The following PPP4R3B variants were observed in gnomAD, a reference collection of about 807,000 sequenced individuals.
The protein encoded by PPP4R3B is serine/threonine-protein phosphatase 4 regulatory subunit 3B.
Under a neutral mutation model 95.4 loss-of-function variants are expected in PPP4R3B, and 52 were observed. That is an observed-to-expected ratio of 0.54 (90% CI 0.44 to 0.69). The LOEUF is 0.69. Ranked by LOEUF, PPP4R3B falls within the 30% of genes least tolerant of loss-of-function variation. The pLI, the probability that PPP4R3B is intolerant of heterozygous loss-of-function variation, is 0.00. For synonymous variants in PPP4R3B, 407 were observed against 343.9 expected (o/e 1.18, Z -2.03); for missense variants, 1,003 against 1,005.9 (o/e 1.00, Z 0.04).
At chr2:55,581,123 T>G (rs1227778865) in intron 8 of PPP4R3B, among the ~76,000 whole-genome samples, 1 of 152,008 alleles carries the variant, frequency 6.6e-6, no homozygotes, top group African/African-American at 2.4e-5. Flanking sequence ...TGTGGTGGTG[T>G]GCGTCTGTAG....
intron 9 of PPP4R3B, 35 bp from the exon 10 acceptor site, chr2:55,578,377 G>A (rs1315405993): frequency 7.6e-7 from 1 of 1,320,596 alleles, no homozygotes. Flanking sequence ...TTTTGATAAA[G>A]CCAACAGGGA....
chr2:55,601,141 C>CAAA (rs397871165), intron 3 of PPP4R3B, among the ~76,000 whole-genome samples: 23 of 99,122 alleles, frequency 2.3e-4, no homozygotes, highest in African/African-American at 8.1e-4. Context: ...GACCATGTCT[C>CAAA]AAAAAAAAAA....
At chr2:55,569,797 T>G (rs1252154307) in intron 12 of PPP4R3B, among the ~76,000 whole-genome samples, 1 of 152,108 alleles carries the variant, frequency 6.6e-6, no homozygotes, top group Non-Finnish European at 1.5e-5. Flanking sequence ...TGTCTTTTCT[T>G]TTATCTCTTT....
intron 2 of PPP4R3B, among the ~76,000 whole-genome samples, chr2:55,607,803 G>A (rs1384285234): frequency 6.6e-6 from 1 of 152,130 alleles, no homozygotes; most frequent in Admixed American, 6.5e-5. Context: ...CTGGTGACTA[G>A]ATCTATAGAT....
chr2:55,605,636 G>A (rs1002850601), intron 2 of PPP4R3B, among the ~76,000 whole-genome samples: 14 of 152,094 alleles, frequency 9.2e-5, no homozygotes, highest in Non-Finnish European at 1.9e-4. Context: ...GGCCAGGTGC[G>A]AAGGCTCACA....
rs369974694 is a variant in PPP4R3B at position 55,598,640 on chromosome 2, C to A, written c.697G>T (p.Ala233Ser). ...AATTCTCTATGTCTTTTTGGCTGAGCCAAAGCAGGGTCATATTCAAGGCAT... is the reference window on the plus strand; with the variant it reads ...AATTCTCTATGTCTTTTTGGCTGAGACAAAGCAGGGTCATATTCAAGGCAT... ...VGCLEYDPAL[A>S]QPKRHREFLT... Residue 233 changes from alanine (A) to serine (S), a missense_variant, in exon 4 of 17, where the codon GCT becomes TCT. Physicochemically the swap from Ala to Ser is moderately conservative, Grantham distance 99. This residue lies in a region of PPP4R3B where 695 missense variants were observed against 686.2 expected (regional missense o/e 1.01). Transcript: ENST00000616407. 90 of 1,613,932 alleles carry A rather than the reference C, an allele frequency of 5.6e-5. No homozygotes were observed. Among genetic ancestry groups the A allele is most frequent in the Admixed American group, 2.0e-4 (12 of 59,976 alleles).
At chr2:55,615,717 T>A (rs1027471071) in intron 1 of PPP4R3B, among the ~76,000 whole-genome samples, 1 of 151,684 alleles carries the variant, frequency 6.6e-6, no homozygotes, top group South Asian at 2.1e-4. Flanking sequence ...CTGGGCGTGG[T>A]GGCGCATGCC....
At chr2:55,612,824 T>C (rs1489903881) in intron 2 of PPP4R3B, among the ~76,000 whole-genome samples, 4 of 152,058 alleles carry the variant, frequency 2.6e-5, no homozygotes, top group South Asian at 4.1e-4. Flanking sequence ...CGGGCGCCTG[T>C]AGTCCCAACT....
intron 4 of PPP4R3B, among the ~76,000 whole-genome samples, chr2:55,595,170 C>T (rs113453381): frequency 0.14 from 20,515 of 151,752 alleles, 2,815 homozygotes; most frequent in African/African-American, 0.35. Context: ...ATTACAGGCA[C>T]GTGCCACTGT....
At chr2:55,595,227 T>A (rs980862520) in intron 4 of PPP4R3B, among the ~76,000 whole-genome samples, 2 of 151,940 alleles carry the variant, frequency 1.3e-5, no homozygotes, top group African/African-American at 4.8e-5. Flanking sequence ...TTTCGCCATG[T>A]TGGTCAGGCT....
intron 13 of PPP4R3B, among the ~76,000 whole-genome samples, chr2:55,566,794 C>A (rs189507633): frequency 1.3e-5 from 2 of 152,056 alleles, no homozygotes; most frequent in Non-Finnish European, 1.5e-5. Flanking sequence ...ACTGGTTGAG[C>A]CTAGGCGTTT....
chr2:55,614,257 C>T (rs2103916843), intron 2 of PPP4R3B: 1 of 152,256 alleles, frequency 6.6e-6, no homozygotes, highest in East Asian at 1.9e-4. Flanking sequence ...TTGAAGTGGG[C>T]ACTGACGCTG....
At chr2:55,555,316 A>G (rs981811700) in intron 16 of PPP4R3B, among the ~76,000 whole-genome samples, 11 of 150,370 alleles carry the variant, frequency 7.3e-5, no homozygotes, top group Non-Finnish European at 1.5e-4. Context: ...GAAAAAGAGT[A>G]TTCTTTCCCC....
chr2:55,567,988 T>C (rs1687523999), intron 13 of PPP4R3B: 1 of 294,732 alleles, frequency 3.4e-6, no homozygotes, highest in Admixed American at 5.1e-5. Context: ...TAAAAACCAC[T>C]AAACTATAAC....
rs1187350691 is a variant in PPP4R3B, at chr2:55,564,582, ATGAAC to A, written c.2076-90_2076-86del. 4.2e-6 allele frequency: 5 copies of A among 1,202,924 alleles called. No individual in the cohort carries two copies. In the African/African-American group the frequency reaches 7.7e-5, roughly 19 times the overall value. The allele number at this position is 1,202,924 out of a possible 1,614,324, so 74.5% of individuals were successfully genotyped here. A position where few individuals can be genotyped will look rare whatever the true frequency, so the allele number is the denominator to read the frequency against. ...TGAAGGAAAAATATGTATAACCAAG[ATGAAC>A]TGAAGTAATTTTAACTGACTATAAT... On this transcript the variant is annotated intron_variant, in intron 14 of 16. Transcript: ENST00000616407.
rs184623522 is a variant in PPP4R3B, at chr2:55,566,500, G to A, written c.1936-1459C>T. On this transcript the variant is annotated intron_variant, in intron 13 of 16. Transcript: ENST00000616407. ...TATTGCAGCAGTACAATGGGAACTA[G>A]TGAGCTAGTTAACCATGTTCCTTCT... 1.1e-4 allele frequency among the ~76,000 whole-genome samples: 17 copies of A among 152,284 alleles called. No individual in the cohort carries two copies. In the East Asian group the frequency reaches 3.3e-3, roughly 29 times the overall value.
At chr2:55,605,481 T>C (rs1243745864) in intron 2 of PPP4R3B, among the ~76,000 whole-genome samples, 1 of 152,230 alleles carries the variant, frequency 6.6e-6, no homozygotes, top group Non-Finnish European at 1.5e-5. Context: ...AGATTAATAC[T>C]TCTTATTTTC....
At chr2:55,565,994 T>G (rs1390333908) in intron 13 of PPP4R3B, 5 of 152,192 alleles carry the variant, frequency 3.3e-5, no homozygotes, top group African/African-American at 1.2e-4. Flanking sequence ...TAGTATAATA[T>G]CTGTGAAATA....
At chr2:55,609,924 T>C (rs755163984) in intron 2 of PPP4R3B, among the ~76,000 whole-genome samples, 2 of 152,182 alleles carry the variant, frequency 1.3e-5, no homozygotes, top group Non-Finnish European at 2.9e-5. Context: ...GGACAGAATC[T>C]GGCGTGGGAA....
Sources: gnomAD v4.1 joint callset for allele counts (sites outside exome capture counted in the v4.1 genomes callset) on GRCh38, gnomAD v4.1.1 for gene constraint, gnomAD v4.1.1 regional missense constraint, MANE v1.5 for transcripts, NCBI Gene and HGNC (gene_info 2026-07-23, HGNC 2026-07-21) for gene names.